The following IAH1 variants were observed in gnomAD, a reference collection of about 807,000 sequenced individuals.
The protein encoded by IAH1 is isoamyl acetate hydrolyzing esterase 1 (putative).
In IAH1, 24 loss-of-function variants were observed where a neutral mutation model predicts 26.7. The observed-to-expected ratio is 0.90, with a 90% confidence interval of 0.65 to 1.26. IAH1 has a LOEUF of 1.26. IAH1 is among the 50% of genes most tolerant of loss of function. The probability of loss-of-function intolerance (pLI) is 0.00; values close to 1 mark genes in which losing one functional copy is unlikely to be tolerated. For missense variants in IAH1, 300 were observed against 299.9 expected (o/e 1.00, Z 0.00); for synonymous variants, 140 against 118.5 (o/e 1.18, Z -1.18).
At chr2:9,502,879 CA>C in the IAH1 span, among the ~76,000 whole-genome samples, 5,809 of 43,424 alleles carry the variant, frequency 0.13, 84 homozygotes, top group African/African-American at 0.19. Context: ...AATTCTGTCT[CA>C]AAAAAAAAAA....
intron 4 of IAH1, among the ~76,000 whole-genome samples, chr2:9,482,123 C>T (rs533205782): frequency 1.2e-3 from 189 of 151,494 alleles, no homozygotes; most frequent in African/African-American, 3.8e-3. Flanking sequence ...CCTTTGCCTC[C>T]TGGGCTCAAG....
downstream of IAH1, chr2:9,489,947 A>T: frequency 2.2e-6 from 1 of 453,862 alleles, no homozygotes; most frequent in Non-Finnish European, 3.9e-6. Context: ...GATATTTTAA[A>T]AACTAAAACC....
rs1395328434 is a variant in IAH1, at chr2:9,484,528, G to C, written c.542G>C (p.Trp181Ser). ...QDCGTDVLDL[W>S]TLMQDSQDFS... ...TGTGGGACTGACGTACTTGACCTGT[G>C]GACCCTGATGCAGGACAGCCAGGTA... Residue 181 changes from tryptophan to serine, a missense_variant, in exon 5 of 6, where the codon TGG (tryptophan) becomes TCG (serine). Trp to Ser is a radical substitution (Grantham distance 177). Coordinates refer to ENST00000497473, the MANE Select transcript of IAH1 (RefSeq NM_001039613.3). 1 of 1,613,526 alleles carries C rather than the reference G, an allele frequency of 6.2e-7. No individual in the cohort carries two copies. Among genetic ancestry groups the C allele is most frequent in the Non-Finnish European group, 8.5e-7 (1 of 1,179,454 alleles).
At chr2:9,484,648 C>A in intron 5 of IAH1, 98 bp downstream of exon 5, 2 of 767,416 alleles carry the variant, frequency 2.6e-6, no homozygotes, top group Non-Finnish European at 2.2e-6. Context: ...CCCTGCTTAG[C>A]TAAGACAGTC....
chr2:9,474,548 CG>C, upstream of IAH1: 2 of 1,443,984 alleles, frequency 1.4e-6, no homozygotes, highest in African/African-American at 1.5e-5. The surrounding 1 kb of genome is among the most constrained non-coding windows in gnomAD (Gnocchi z 4.3). Context: ...GGCCCCGCCC[CG>C]CCCCGCCCGG....
downstream of IAH1, chr2:9,493,964 C>T (rs1023211579): frequency 6.3e-6 from 4 of 638,498 alleles, no homozygotes; most frequent in South Asian, 4.2e-5. Flanking sequence ...AAGGCAATAA[C>T]TTCCGCGTAA....
chr2:9,490,428 C>T (rs761836949), downstream of IAH1: 140 of 1,614,038 alleles, frequency 8.7e-5, no homozygotes, highest in Non-Finnish European at 1.2e-4. Flanking sequence ...ATCACAGGGG[C>T]AGGCTGCAGG....
chr2:9,502,489 A>G, the IAH1 span, among the ~76,000 whole-genome samples: 1 of 152,148 alleles, frequency 6.6e-6, no homozygotes, highest in Non-Finnish European at 1.5e-5. Context: ...TAAATGCCAC[A>G]CTATAGGAGA....
In IAH1 at chr2:9,474,762, C is replaced by A; in HGVS notation, c.81+115C>A. The A allele has an allele frequency of 1.3e-6, 1 of 779,388 alleles. No homozygotes were observed. The highest frequency in any genetic ancestry group is 1.9e-6 in the Non-Finnish European group (1 of 529,800). The allele number at this position is 779,388 out of a possible 1,614,324, so 48.3% of individuals were successfully genotyped here. On this transcript the variant is annotated intron_variant, in intron 1 of 5. Coordinates refer to ENST00000497473, the MANE Select transcript of IAH1 (RefSeq NM_001039613.3). This position sits in a 1 kb window ranked among gnomAD's most constrained non-coding sequence, Gnocchi z 4.3. ...CGCCCGAGACGGCTGGGCCGGAGGC[C>A]TGGCCACGCCCGTGGAGACACCGGA...
downstream of IAH1, chr2:9,492,918 T>C (rs1404650790): frequency 6.2e-7 from 1 of 1,612,824 alleles, no homozygotes; most frequent in South Asian, 1.1e-5. Flanking sequence ...ACAAGAATGC[T>C]GAAAGGAATC....
chr2:9,509,633 T>A, the IAH1 span, among the ~76,000 whole-genome samples: 4 of 152,254 alleles, frequency 2.6e-5, no homozygotes, highest in South Asian at 6.2e-4. Flanking sequence ...AGAGTTAAAA[T>A]GAATGACAAC....
downstream of IAH1, among the ~76,000 whole-genome samples, chr2:9,494,167 A>T (rs1054979817): frequency 1.3e-5 from 2 of 152,162 alleles, no homozygotes; most frequent in African/African-American, 2.4e-5. Context: ...AAGCCTCGTA[A>T]ATCTTAAAAC....
chr2:9,508,034 T>C, the IAH1 span, among the ~76,000 whole-genome samples: 1 of 152,148 alleles, frequency 6.6e-6, no homozygotes, highest in Non-Finnish European at 1.5e-5. Context: ...CAGGGCTGTT[T>C]TGAAGAGCCC....
At chr2:9,481,716 CCAGGGTG>C (rs1661185083) in intron 4 of IAH1, among the ~76,000 whole-genome samples, 1 of 152,124 alleles carries the variant, frequency 6.6e-6, no homozygotes, top group African/African-American at 2.4e-5. Flanking sequence ...TTACCAGACT[CCAGGGTG>C]CACATGAAGG....
At chr2:9,490,555 A>AAAG, downstream of IAH1, 2 of 1,569,770 alleles carry the variant, frequency 1.3e-6, no homozygotes, top group Non-Finnish European at 1.7e-6. Context: ...GATAGGAATA[A>AAAG]AAGATGAATC....
chr2:9,511,148 G>A, the IAH1 span, among the ~76,000 whole-genome samples: 1 of 151,932 alleles, frequency 6.6e-6, no homozygotes, highest in Non-Finnish European at 1.5e-5. Flanking sequence ...AAAAAAGCAA[G>A]GGGTAAAAAA....
downstream of IAH1, chr2:9,497,260 C>T (rs1662681454): frequency 6.2e-7 from 1 of 1,613,692 alleles, no homozygotes; most frequent in Non-Finnish European, 8.5e-7. Context: ...TGGAAGCAAA[C>T]ACCAGTCATA....
intron 1 of IAH1, 56 bp from the exon 2 acceptor site, chr2:9,475,930 TC>T: frequency 1.3e-6 from 2 of 1,501,424 alleles, no homozygotes; most frequent in Non-Finnish European, 9.3e-7. Context: ...AGAACTGCCC[TC>T]GCTGAGATGC....
chr2:9,475,603 C>G (rs193130730), intron 1 of IAH1: 3 of 250,408 alleles, frequency 1.2e-5, no homozygotes, highest in Non-Finnish European at 2.4e-5. Flanking sequence ...CGGATTCAAG[C>G]GTTTCTCCTG....
Sources: allele counts gnomAD v4.1 joint callset (sites outside exome capture counted in the v4.1 genomes callset), GRCh38; gene constraint gnomAD v4.1.1; non-coding constraint Gnocchi (gnomAD v3.1); transcripts MANE v1.5; gene names NCBI Gene and HGNC (gene_info 2026-07-23, HGNC 2026-07-21).